EPC1: variants seen among roughly 807,000 people sequenced by gnomAD.
The protein encoded by EPC1 is enhancer of polycomb homolog 1.
In EPC1, 12 loss-of-function variants were observed where a neutral mutation model predicts 98.4. The ratio of observed to expected loss-of-function variants is 0.12; its 90% CI spans 0.08 to 0.20. The LOEUF is 0.20. Among genes scored for constraint, EPC1 ranks in the 10% least tolerant of loss-of-function variants. The pLI is 1.00. For missense variants in EPC1, 729 were observed against 990.5 expected (o/e 0.74, Z 3.54); for synonymous variants, 357 against 363.9 (o/e 0.98, Z 0.21).
At chr10:32,303,582 T>G (rs1835699942) in intron 2 of EPC1, among the ~76,000 whole-genome samples, 1 of 152,184 alleles carries the variant, frequency 6.6e-6, no homozygotes, top group African/African-American at 2.4e-5. Context: ...TCCATTTATG[T>G]AACACCCGTG....
At chr10:32,306,052 C>T in intron 1 of EPC1, 121 bp from the exon 2 acceptor site, 2 of 835,412 alleles carry the variant, frequency 2.4e-6, no homozygotes, top group Non-Finnish European at 3.5e-6. Flanking sequence ...AGTAGTAGAT[C>T]TTAAAAGCAT....
chr10:32,355,808 A>G (rs537859487), intron 1 of EPC1, among the ~76,000 whole-genome samples: 90 of 150,322 alleles, frequency 6.0e-4, no homozygotes, highest in Middle Eastern at 6.9e-3. Flanking sequence ...ACAAGGTTTC[A>G]CCATGTTGGC....
intron 1 of EPC1, among the ~76,000 whole-genome samples, chr10:32,352,272 C>A (rs537459952): frequency 6.6e-6 from 1 of 151,660 alleles, no homozygotes; most frequent in Non-Finnish European, 1.5e-5. Flanking sequence ...TGGTCTCGAT[C>A]TCCTGACCTC....
At chr10:32,349,457 A>G (rs1839047626), upstream of EPC1, among the ~76,000 whole-genome samples, 1 of 152,208 alleles carries the variant, frequency 6.6e-6, no homozygotes, top group Non-Finnish European at 1.5e-5. Flanking sequence ...GCTAAGAGAC[A>G]CCTTTTTCTC....
intron 2 of EPC1, among the ~76,000 whole-genome samples, chr10:32,304,383 G>A (rs963190408): frequency 2.6e-5 from 4 of 152,084 alleles, no homozygotes; most frequent in Non-Finnish European, 5.9e-5. Context: ...ACATACATGG[G>A]GAAGATCAGA....
At position 32,346,906 on chromosome 10, in the gene EPC1, G is replaced by C; in HGVS notation, c.10C>G (p.Leu4Val). 1 of 1,613,720 alleles carries C rather than the reference G, an allele frequency of 6.2e-7. No homozygotes were observed. Among genetic ancestry groups the C allele is most frequent in the Non-Finnish European group, 8.5e-7 (1 of 1,179,962 alleles). The change falls in exon 1 of 14, where the codon CTG becomes GTG. Residue 4 changes from leucine to valine, a missense_variant. Leu to Val is a conservative substitution (Grantham distance 32). Coordinates refer to ENST00000319778, the MANE Select transcript of EPC1 (RefSeq NM_001272004.3). ...TCTAGCGCCCGCGCCCGAAACGACA[G>C]TTTACTCATCTCAGGCGCAGCAGAT... The part of the protein sequence containing the change: MSK[L>V]SFRARALDAS...
chr10:32,340,147 G>GC (rs1238618626), intron 1 of EPC1, among the ~76,000 whole-genome samples: 1 of 152,150 alleles, frequency 6.6e-6, no homozygotes, highest in Non-Finnish European at 1.5e-5. Context: ...TTGCAATTCA[G>GC]CAAGTGATTA....
chr10:32,324,674 A>AAAAC (rs151134554), intron 1 of EPC1, among the ~76,000 whole-genome samples: 5,125 of 151,962 alleles, frequency 0.034, 256 homozygotes, highest in African/African-American at 0.11. Flanking sequence ...CTAATCTTAA[A>AAAAC]AAACAAACAA....
chr10:32,348,661 G>A (rs145079542), upstream of EPC1, among the ~76,000 whole-genome samples: 237 of 152,328 alleles, frequency 1.6e-3, no homozygotes, highest in Non-Finnish European at 1.1e-3. Flanking sequence ...CACAGAGACC[G>A]TGCCTTTATT....
At chr10:32,361,141 G>A (rs1256723507) in intron 1 of EPC1, among the ~76,000 whole-genome samples, 1 of 152,198 alleles carries the variant, frequency 6.6e-6, no homozygotes, top group Non-Finnish European at 1.5e-5. Context: ...ACAGCTTTAG[G>A]AAAACAAATT....
At position 32,347,010 on chromosome 10, in the gene EPC1, T is replaced by G. The variant is rs893560893; in HGVS notation, c.-95A>C. ...GGTTCGGTCCCCACTCGCCAACCGC[T>G]GCCGGGGACTTGAGGGGCGGAGCGC... On this transcript the variant is annotated 5_prime_UTR_variant, in exon 1 of 14. Coordinates refer to ENST00000319778, the MANE Select transcript of EPC1 (RefSeq NM_001272004.3). The G allele has an allele frequency of 2.1e-5, 32 of 1,531,816 alleles. No homozygotes were observed. In the African/African-American group the frequency reaches 4.0e-4, roughly 19 times the overall value. The allele number at this position is 1,531,816 out of a possible 1,614,324, so 94.9% of individuals were successfully genotyped here.
intron 1 of EPC1, among the ~76,000 whole-genome samples, chr10:32,317,338 A>C (rs1836615516): frequency 1.3e-5 from 2 of 152,222 alleles, no homozygotes; most frequent in African/African-American, 4.8e-5. Context: ...GATTTCATAA[A>C]GAAACAAAGA....
intron 1 of EPC1, among the ~76,000 whole-genome samples, chr10:32,321,337 C>A (rs1836901059): frequency 6.6e-6 from 1 of 151,780 alleles, no homozygotes; most frequent in Non-Finnish European, 1.5e-5. Context: ...GTTTGCAGAT[C>A]TTTAATATAG....
At chr10:32,372,243 T>G (rs1839770042) in intron 1 of EPC1, among the ~76,000 whole-genome samples, 1 of 152,080 alleles carries the variant, frequency 6.6e-6, no homozygotes, top group Non-Finnish European at 1.5e-5. Flanking sequence ...AATCTGTGTT[T>G]CAATAAGCCC....
intron 10 of EPC1, among the ~76,000 whole-genome samples, chr10:32,275,532 C>T (rs564942433): frequency 1.3e-5 from 2 of 151,496 alleles, no homozygotes; most frequent in South Asian, 4.2e-4. Flanking sequence ...TCTGGGAGGC[C>T]GAGGTGGGCA....
At chr10:32,319,249 G>C (rs1377814322) in intron 1 of EPC1, among the ~76,000 whole-genome samples, 1 of 152,176 alleles carries the variant, frequency 6.6e-6, no homozygotes, top group Non-Finnish European at 1.5e-5. Flanking sequence ...TTACAAAGTT[G>C]AAAACTGAGC....
At chr10:32,345,700 T>C (rs1468819334) in intron 1 of EPC1, 3 of 870,418 alleles carry the variant, frequency 3.4e-6, no homozygotes, top group Non-Finnish European at 2.8e-6. Flanking sequence ...GCCACAGCGA[T>C]GGTAAAATGT....
intron 1 of EPC1, among the ~76,000 whole-genome samples, chr10:32,321,803 C>T (rs1419559277): frequency 6.6e-6 from 1 of 151,886 alleles, no homozygotes; most frequent in Non-Finnish European, 1.5e-5. Flanking sequence ...TTAATTCTCC[C>T]TTCTTGTCTT....
intron 1 of EPC1, among the ~76,000 whole-genome samples, chr10:32,310,952 G>A (rs948733921): frequency 5.3e-5 from 8 of 152,108 alleles, no homozygotes; most frequent in Non-Finnish European, 1.2e-4. Flanking sequence ...AATGGCATTT[G>A]GGGTGAAGTG....
Sources: gnomAD v4.1 joint callset for allele counts (sites outside exome capture counted in the v4.1 genomes callset) on GRCh38, gnomAD v4.1.1 for gene constraint, MANE v1.5 for transcripts, NCBI Gene and HGNC (gene_info 2026-07-23, HGNC 2026-07-21) for gene names.